The following CPVL variants were observed in gnomAD, a reference collection of about 807,000 sequenced individuals.
The protein encoded by CPVL is probable serine carboxypeptidase CPVL.
Under a neutral mutation model 63.7 loss-of-function variants are expected in CPVL, and 51 were observed. That is an observed-to-expected ratio of 0.80 (90% CI 0.64 to 1.01). The LOEUF (loss-of-function observed/expected upper bound fraction) is 1.01, where lower values mean the gene tolerates loss of function less well. Ranked by LOEUF, CPVL falls within the 50% of genes least tolerant of loss-of-function variation. The pLI is 0.00. For synonymous variants in CPVL, 195 were observed against 206.0 expected, an observed-to-expected ratio of 0.95 and a Z score of 0.46; for missense variants, 530 against 573.1, an observed-to-expected ratio of 0.92 and a Z score of 0.77.
At chr7:29,059,067 C>T (rs1021863975) in intron 11 of CPVL, among the ~76,000 whole-genome samples, 1 of 152,014 alleles carries the variant, frequency 6.6e-6, no homozygotes, top group African/African-American at 2.4e-5. Context: ...AGTTGTCCCA[C>T]AGTTAAGGCT....
At chr7:29,102,649 G>A (rs903655908) in intron 3 of CPVL, among the ~76,000 whole-genome samples, 4 of 152,104 alleles carry the variant, frequency 2.6e-5, no homozygotes, top group Non-Finnish European at 5.9e-5. Context: ...ACAGAAGAGG[G>A]TCGGCCCGCG....
At chr7:29,109,895 AG>A (rs1422841869) in intron 3 of CPVL, among the ~76,000 whole-genome samples, 6 of 152,194 alleles carry the variant, frequency 3.9e-5, no homozygotes, top group Non-Finnish European at 5.9e-5. Context: ...TGTTTAATGA[AG>A]GGGGTTTTCA....
At chr7:29,127,456 G>A (rs1039889843) in intron 1 of CPVL, 3 of 152,192 alleles carry the variant, frequency 2.0e-5, no homozygotes, top group East Asian at 1.9e-4. Flanking sequence ...TTTTATAGAC[G>A]AGATACCGAT....
At chr7:29,063,094 G>A (rs1024528251) in intron 11 of CPVL, among the ~76,000 whole-genome samples, 2 of 152,136 alleles carry the variant, frequency 1.3e-5, no homozygotes, top group African/African-American at 4.8e-5. Context: ...TGCTCTTGGT[G>A]TCCTCCTTCC....
At chr7:29,096,485 G>T in intron 3 of CPVL, 1 of 504,698 alleles carries the variant, frequency 2.0e-6, no homozygotes, top group South Asian at 3.2e-5. Context: ...CTCCTTAAAT[G>T]TAGATGCTTG....
Position 29,120,895 on chromosome 7 carries a change from T to G in CPVL, c.167A>C (p.Lys56Thr). ...TPYIEAGKIQKGRELSLVGPF... is the reference protein window; with the variant it reads ...TPYIEAGKIQTGRELSLVGPF... Reference sequence around the variant, plus strand: ...CTGATTTAATTAAACTTACTTACCTTTTTGGATCTTCCCAGCTTCAATGTA... The same window carrying G: ...CTGATTTAATTAAACTTACTTACCTGTTTGGATCTTCCCAGCTTCAATGTA... The change falls in exon 2 of 13, where the codon AAA (lysine) becomes ACA (threonine). Residue 56 changes from lysine to threonine, a missense_variant and splice_region_variant. Coordinates refer to ENST00000265394, the MANE Select transcript of CPVL (RefSeq NM_031311.5). 6.2e-7 allele frequency: 1 copy of G among 1,612,542 alleles called. No homozygotes were observed. Among genetic ancestry groups the G allele is most frequent in the Non-Finnish European group, 8.5e-7 (1 of 1,179,432 alleles).
chr7:29,030,736 C>T lies in CPVL; in HGVS notation c.1161G>A (p.Leu387=). 1 of 1,611,242 alleles carries T rather than the reference C, an allele frequency of 6.2e-7. No homozygotes were observed. Among genetic ancestry groups the T allele is most frequent in the Non-Finnish European group, 8.5e-7 (1 of 1,178,962 alleles). ...NYKVLIYNGQ[L]DIIVAAALTE... The stretch of plus-strand genomic sequence containing the variant: ...TCAGGGCAGCTGCCACGATGATGTC[C>T]AGTTGGCCATTGTAGATCAGAACCT... The change falls in exon 12 of 13, where the codon CTG becomes CTA. Residue 387 remains leucine, a synonymous_variant. Transcript: ENST00000265394.
chr7:29,063,622 G>C (rs903712732), intron 11 of CPVL, among the ~76,000 whole-genome samples: 1 of 152,266 alleles, frequency 6.6e-6, no homozygotes, highest in Middle Eastern at 3.4e-3. Context: ...CCAGGCTGGA[G>C]TGCAATGTTG....
At chr7:29,056,902 A>C (rs910940832) in intron 11 of CPVL, among the ~76,000 whole-genome samples, 1 of 148,384 alleles carries the variant, frequency 6.7e-6, no homozygotes, top group African/African-American at 2.5e-5. Context: ...CATGGCTTTA[A>C]TTTGTAATAC....
intron 2 of CPVL, among the ~76,000 whole-genome samples, chr7:29,119,425 C>T (rs546475702): frequency 1.1e-4 from 16 of 145,460 alleles, no homozygotes; most frequent in Admixed American, 5.1e-4. Context: ...AGGTGCAGAG[C>T]GCAGTGAGCC....
intron 3 of CPVL, among the ~76,000 whole-genome samples, chr7:29,099,712 AAAT>A (rs747637668): frequency 6.6e-6 from 1 of 152,094 alleles, no homozygotes. Context: ...ATTCTGTCTC[AAAT>A]AATAATAATA....
rs1783158413 is a variant in CPVL, at chr7:29,066,600, C to A, written c.865-479G>T. Among the ~76,000 whole-genome samples, 3 of 152,164 alleles carry A rather than the reference C, an allele frequency of 2.0e-5. No homozygotes were observed. In the South Asian group the frequency reaches 6.2e-4, roughly 32 times the overall value. On this transcript the variant is annotated intron_variant, in intron 9 of 12. Transcript: ENST00000265394. ...CATCTAGGGGAAGGAAGGTTCCAGGCAGAGGACACAGTAAGCTCAAAGGCC... is the reference window on the plus strand; with the variant it reads ...CATCTAGGGGAAGGAAGGTTCCAGGAAGAGGACACAGTAAGCTCAAAGGCC...
chr7:29,134,507 T>C (rs1253690422), intron 1 of CPVL, among the ~76,000 whole-genome samples: 2 of 152,194 alleles, frequency 1.3e-5, no homozygotes, highest in Non-Finnish European at 2.9e-5. Flanking sequence ...AATAGCAATG[T>C]ATGAAGCAGA....
chr7:29,178,051 C>A (rs187803396), intron 5 of CPVL, among the ~76,000 whole-genome samples: 1 of 152,138 alleles, frequency 6.6e-6, no homozygotes, highest in Non-Finnish European at 1.5e-5. Context: ...TTATCTCATG[C>A]CTCACATTCC....
chr7:29,173,679 A>C (rs1243451509), intron 5 of CPVL, among the ~76,000 whole-genome samples: 1 of 151,950 alleles, frequency 6.6e-6, no homozygotes, highest in African/African-American at 2.4e-5. Flanking sequence ...TATTTTTTTA[A>C]AAATAATGAA....
At chr7:29,139,790 G>A (rs1004367080) in intron 1 of CPVL, among the ~76,000 whole-genome samples, 1 of 152,044 alleles carries the variant, frequency 6.6e-6, no homozygotes, top group Non-Finnish European at 1.5e-5. Flanking sequence ...TCATTCTCCT[G>A]CCAGCCAAGT....
chr7:29,187,522 G>C (rs35555978), intron 1 of CPVL, among the ~76,000 whole-genome samples: 16,286 of 152,052 alleles, frequency 0.11, 991 homozygotes, highest in African/African-American at 0.14. Flanking sequence ...TCAGGAGTTT[G>C]AGACCAGCCT....
chr7:29,181,753 T>C (rs1798082648), intron 4 of CPVL, among the ~76,000 whole-genome samples: 1 of 152,202 alleles, frequency 6.6e-6, no homozygotes, highest in African/African-American at 2.4e-5. Context: ...CATTCCAAAA[T>C]AGACACTTTT....
intron 2 of CPVL, 48 bp downstream of exon 2, chr7:29,120,844 AC>A: frequency 1.4e-6 from 2 of 1,478,422 alleles, no homozygotes; most frequent in Non-Finnish European, 1.8e-6. Flanking sequence ...AAAAAGAGAA[AC>A]TGTTGAACTC....
Sources: gnomAD v4.1 joint callset for allele counts (sites outside exome capture counted in the v4.1 genomes callset) on GRCh38, gnomAD v4.1.1 for gene constraint, MANE v1.5 for transcripts, NCBI Gene and HGNC (gene_info 2026-07-23, HGNC 2026-07-21) for gene names.